DARS1: variants seen among roughly 807,000 people sequenced by gnomAD.
DARS1 encodes aspartyl-tRNA synthetase 1, also known as aspartate--tRNA ligase, cytoplasmic.
A neutral mutation model predicts 68.8 loss-of-function variants in DARS1; 51 were observed. The observed-to-expected ratio is 0.74, with a 90% CI of 0.59 to 0.94. The LOEUF (loss-of-function observed/expected upper bound fraction) is 0.94, where lower values mean the gene tolerates loss of function less well. Among genes scored for constraint, DARS1 ranks in the 40% least tolerant of loss-of-function variants. DARS1 has a pLI of 0.00. For synonymous variants in DARS1, 203 were observed against 190.4 expected, an observed-to-expected ratio of 1.07 and a Z score of -0.55; for missense variants, 607 against 597.3, an observed-to-expected ratio of 1.02 and a Z score of -0.17.
chr2:135,958,602 A>G (rs997991888), intron 4 of DARS1, among the ~76,000 whole-genome samples: 2 of 152,162 alleles, frequency 1.3e-5, no homozygotes, highest in Non-Finnish European at 2.9e-5. Flanking sequence ...AAACTGACTG[A>G]CCCATCTGGA....
At chr2:135,974,073 A>G (rs309155) in intron 3 of DARS1, among the ~76,000 whole-genome samples, 3,476 of 152,288 alleles carry the variant, frequency 0.023, 112 homozygotes, top group African/African-American at 0.079. Flanking sequence ...GTACCCACAC[A>G]AAAGTTTTTA....
intron 10 of DARS1, among the ~76,000 whole-genome samples, chr2:135,916,874 T>C (rs1681016681): frequency 1.3e-5 from 2 of 152,186 alleles, no homozygotes; most frequent in South Asian, 4.1e-4. Context: ...ATTTCTGCTA[T>C]GGAAGATGAT....
At chr2:135,914,364 C>A in intron 12 of DARS1, 105 bp downstream of exon 12, 1 of 715,380 alleles carries the variant, frequency 1.4e-6, no homozygotes. Flanking sequence ...TTATTTATTC[C>A]AGAATCATAC....
At position 135,983,431 on chromosome 2, in the gene DARS1, TC is replaced by T; in HGVS notation, c.89del (p.Gly30GlufsTer5). Reference protein sequence around the residue: ...AAEDYAKERYGISSMIQSQEK... With the variant: ...AAEDYAKERYXISSMIQSQEK... ...CTTGTGATTGTATCATTGAAGATATTCCATATCTCTCTTTAGCATAATCCTA... is the reference window on the plus strand; with the variant it reads ...CTTGTGATTGTATCATTGAAGATATTCATATCTCTCTTTAGCATAATCCTA... On this transcript the variant is annotated frameshift_variant, in exon 2 of 16. Transcript: ENST00000264161. LOFTEE classifies it high-confidence loss of function. 3.3e-6 allele frequency: 4 copies of T among 1,218,786 alleles called. No individual in the cohort carries two copies. The highest frequency in any genetic ancestry group is 4.8e-6 in the Non-Finnish European group (4 of 826,610). The allele number at this position is 1,218,786 out of a possible 1,614,324, so 75.5% of individuals were successfully genotyped here.
chr2:135,930,697 T>A (rs930344244), intron 7 of DARS1, among the ~76,000 whole-genome samples: 2 of 152,142 alleles, frequency 1.3e-5, no homozygotes, highest in African/African-American at 4.8e-5. Flanking sequence ...AACCAACGAA[T>A]CCATTTGTAT....
At chr2:135,966,509 G>T (rs760293341) in intron 3 of DARS1, among the ~76,000 whole-genome samples, 5 of 152,122 alleles carry the variant, frequency 3.3e-5, no homozygotes, top group Non-Finnish European at 7.4e-5. Flanking sequence ...ACAGCTGAAT[G>T]AACTATCTTT....
intron 9 of DARS1, among the ~76,000 whole-genome samples, 154 bp downstream of exon 9, chr2:135,922,630 T>C (rs1029250690): frequency 3.9e-5 from 6 of 152,220 alleles, no homozygotes; most frequent in African/African-American, 1.4e-4. Context: ...CCAAATATAT[T>C]ATCTCTAACT....
chr2:135,981,555 A>G (rs899241757), intron 2 of DARS1, among the ~76,000 whole-genome samples: 1 of 152,206 alleles, frequency 6.6e-6, no homozygotes, highest in African/African-American at 2.4e-5. Context: ...CCAAAGTCCA[A>G]AAAAATAAAG....
At position 135,932,838 on chromosome 2, in the gene DARS1, C is replaced by T; in HGVS notation, c.509G>A (p.Gly170Glu). The change falls in exon 7 of 16, where the codon GGA (glycine) becomes GAA (glutamate). Residue 170 changes from glycine (G) to glutamate (E), a missense_variant. By Grantham distance (98) the Gly-to-Glu change is moderately conservative (BLOSUM62 -2). Transcript: ENST00000264161. ...TGTATCCTGGTTAACAGTAGCTCTTCCTTCCTAAAAAAAAAAAAAAAGAAA... is the reference window on the plus strand; with the variant it reads ...TGTATCCTGGTTAACAGTAGCTCTTTCTTCCTAAAAAAAAAAAAAAAGAAA... The part of the protein sequence containing the change: ...VRPEAEGEEE[G>E]RATVNQDTRL... 2 of 1,219,994 alleles carry T rather than the reference C, an allele frequency of 1.6e-6. No homozygotes were observed. The highest frequency in any genetic ancestry group is 2.3e-6 in the Non-Finnish European group (2 of 874,074). The allele number at this position is 1,219,994 out of a possible 1,614,324, so 75.6% of individuals were successfully genotyped here.
At chr2:135,975,799 A>T (rs1682484741) in intron 3 of DARS1, among the ~76,000 whole-genome samples, 1 of 151,048 alleles carries the variant, frequency 6.6e-6, no homozygotes, top group African/African-American at 2.4e-5. Context: ...AAATACAAAA[A>T]TTAGCTGGAT....
chr2:135,944,197 T>C (rs1167313948), intron 4 of DARS1, among the ~76,000 whole-genome samples: 2 of 152,318 alleles, frequency 1.3e-5, no homozygotes, highest in Admixed American at 6.5e-5. Context: ...ATTATTTTTT[T>C]AATCACTAGT....
chr2:135,975,263 T>C (rs965792584), intron 3 of DARS1, among the ~76,000 whole-genome samples: 1 of 151,962 alleles, frequency 6.6e-6, no homozygotes, highest in Non-Finnish European at 1.5e-5. Flanking sequence ...GAGAATGATG[T>C]GAACCTGGGA....
At chr2:135,976,314 T>C (rs1682496576) in intron 3 of DARS1, among the ~76,000 whole-genome samples, 2 of 152,202 alleles carry the variant, frequency 1.3e-5, no homozygotes, top group African/African-American at 4.8e-5. Context: ...TTTAAAATAG[T>C]GCAATTAGCA....
Position 135,985,454 on chromosome 2 carries a change from G to C in DARS1, c.15C>G (p.Ser5Arg), listed in dbSNP as rs780684514. 1.9e-6 allele frequency: 3 copies of C among 1,613,898 alleles called. No individual in the cohort carries two copies. The highest frequency in any genetic ancestry group is 2.5e-6 in the Non-Finnish European group (3 of 1,179,976). MPSA[S>R]ASRKSQEKPR... ...GCTTCTCCTGACTCTTGCGGCTGGC[G>C]CTGGCGCTGGGCATCGGGACACGGA... Residue 5 changes from serine to arginine, a missense_variant, in exon 1 of 16, where the codon AGC (serine) becomes AGG (arginine). Ser to Arg is a moderately radical substitution (Grantham distance 110). Transcript: ENST00000264161.
intron 4 of DARS1, among the ~76,000 whole-genome samples, chr2:135,955,189 C>T (rs1681945174): frequency 6.7e-6 from 1 of 148,216 alleles, no homozygotes; most frequent in African/African-American, 2.5e-5. Context: ...ACACTATGTA[C>T]ATTAAGTTTT....
chr2:135,974,748 GAAAGA>G (rs1682458718), intron 3 of DARS1, among the ~76,000 whole-genome samples: 2 of 152,114 alleles, frequency 1.3e-5, no homozygotes, highest in African/African-American at 4.8e-5. Flanking sequence ...ACAAACATTT[GAAAGA>G]AAAGGACATA....
chr2:135,951,685 A>G (rs1273835415), intron 4 of DARS1, among the ~76,000 whole-genome samples: 1 of 152,182 alleles, frequency 6.6e-6, no homozygotes, highest in Non-Finnish European at 1.5e-5. Context: ...CCATGCAGGA[A>G]TATACAAAAT....
Position 135,963,345 on chromosome 2 carries a change from G to A in DARS1, c.218-1847C>T, listed in dbSNP as rs1682141441. Among the ~76,000 whole-genome samples, 7 of 151,868 alleles carry A rather than the reference G, an allele frequency of 4.6e-5. No homozygotes were observed. In the South Asian group the frequency reaches 8.3e-4, roughly 18 times the overall value. ...TTTATAATATGTTTAAAGTTGAGAC[G>A]GAGCCCAATTAATGTTAACTATTAA... On this transcript the variant is annotated intron_variant, in intron 3 of 15. Transcript: ENST00000264161.
chr2:135,979,255 A>G lies in DARS1; in HGVS notation c.217+19T>C, dbSNP rs753054872. 3.3e-5 allele frequency: 34 copies of G among 1,030,640 alleles called. No individual in the cohort carries two copies. Among genetic ancestry groups the G allele is most frequent in the Non-Finnish European group, 5.2e-5 (34 of 651,502 alleles). 63.8% of individuals were successfully genotyped at this position (1,030,640 alleles called of 1,614,324 possible). A position where few individuals can be genotyped will look rare whatever the true frequency, so the allele number is the denominator to read the frequency against. ...CGGAGTCCTTACCGAAAGAGCTTTA[A>G]TAATGAAACCAATCCTACCTTTAGC... On this transcript the variant is annotated intron_variant, in intron 3 of 15. Transcript: ENST00000264161.
Sources: gnomAD v4.1 joint callset for allele counts (sites outside exome capture counted in the v4.1 genomes callset) on GRCh38, gnomAD v4.1.1 for gene constraint, MANE v1.5 for transcripts, NCBI Gene and HGNC (gene_info 2026-07-23, HGNC 2026-07-21) for gene names.